The following TFDP2 variants were observed in gnomAD, a reference collection of about 807,000 sequenced individuals.
The protein encoded by TFDP2 is transcription factor Dp-2 (E2F dimerization partner 2).
In TFDP2, 17 loss-of-function variants were observed where a neutral mutation model predicts 59.3. The ratio of observed to expected loss-of-function variants is 0.29; its 90% CI spans 0.20 to 0.43. TFDP2 has a LOEUF of 0.43. Ranked by LOEUF, TFDP2 falls within the 20% of genes least tolerant of loss-of-function variation. The pLI, the probability that TFDP2 is intolerant of heterozygous loss-of-function variation, is 1.00. For missense variants in TFDP2, 391 were observed against 528.8 expected, an observed-to-expected ratio of 0.74 and a Z score of 2.56; for synonymous variants, 180 against 194.7, an observed-to-expected ratio of 0.92 and a Z score of 0.63.
intron 3 of TFDP2, among the ~76,000 whole-genome samples, chr3:142,006,666 CA>C (rs1183461221): frequency 6.6e-6 from 1 of 151,974 alleles, no homozygotes; most frequent in Non-Finnish European, 1.5e-5. Context: ...GGGGTCTTGC[CA>C]TGTTGCCCAG....
At chr3:141,954,172 GA>G (rs1329952885) in intron 11 of TFDP2, among the ~76,000 whole-genome samples, 2 of 151,562 alleles carry the variant, frequency 1.3e-5, no homozygotes, top group Non-Finnish European at 2.9e-5. Flanking sequence ...AAAAATAAAA[GA>G]AAAAAAGAAA....
At chr3:142,063,752 A>G (rs899601390) in intron 3 of TFDP2, among the ~76,000 whole-genome samples, 2 of 152,228 alleles carry the variant, frequency 1.3e-5, no homozygotes, top group African/African-American at 4.8e-5. Flanking sequence ...GAAGCCTCTC[A>G]ATAAAGCAAA....
At chr3:142,043,965 T>C in intron 3 of TFDP2, 1 of 744,504 alleles carries the variant, frequency 1.3e-6, no homozygotes, top group East Asian at 2.5e-5. Context: ...TCCGCTTACC[T>C]ATGCCACTGT....
intron 1 of TFDP2, among the ~76,000 whole-genome samples, chr3:142,140,589 T>C (rs1273193600): frequency 6.6e-6 from 1 of 152,242 alleles, no homozygotes; most frequent in African/African-American, 2.4e-5. Context: ...TATTCCTTTC[T>C]GTTTGTTAGT....
At chr3:142,073,207 G>A (rs1371107282) in intron 3 of TFDP2, among the ~76,000 whole-genome samples, 1 of 152,136 alleles carries the variant, frequency 6.6e-6, no homozygotes, top group Non-Finnish European at 1.5e-5. Flanking sequence ...GTAGCTAGGA[G>A]TACAGGTATG....
chr3:142,103,192 C>T (rs1039556858), intron 1 of TFDP2, among the ~76,000 whole-genome samples: 4 of 151,712 alleles, frequency 2.6e-5, no homozygotes, highest in South Asian at 2.1e-4. Flanking sequence ...GAGCCGAGAA[C>T]GCGCCATTGC....
intron 10 of TFDP2, among the ~76,000 whole-genome samples, chr3:141,960,045 C>T (rs965912246): frequency 7.9e-5 from 12 of 152,122 alleles, no homozygotes; most frequent in Non-Finnish European, 1.5e-4. Flanking sequence ...AAACAACATT[C>T]CTCTGACAGA....
chr3:142,012,165 A>C (rs1248242513), intron 3 of TFDP2, among the ~76,000 whole-genome samples: 4 of 151,720 alleles, frequency 2.6e-5, no homozygotes, highest in Non-Finnish European at 5.9e-5. Context: ...GGTGCCCACC[A>C]CCACACCCGG....
intron 3 of TFDP2, among the ~76,000 whole-genome samples, chr3:142,022,705 C>T (rs963942201): frequency 6.6e-6 from 1 of 152,202 alleles, no homozygotes; most frequent in African/African-American, 2.4e-5. Context: ...AAGAAGCTCA[C>T]AGTCCGAGAG....
chr3:142,043,700 GC>G, intron 3 of TFDP2: 1 of 1,104,302 alleles, frequency 9.1e-7, no homozygotes, highest in Non-Finnish European at 1.4e-6. Context: ...TCTTCACCGT[GC>G]TTGCGTGCTT....
intron 1 of TFDP2, among the ~76,000 whole-genome samples, chr3:142,135,995 G>A (rs534306828): frequency 3.2e-4 from 48 of 152,132 alleles, no homozygotes; most frequent in Non-Finnish European, 6.2e-4. Context: ...CTTCCACAAT[G>A]GTTGAACTAA....
chr3:141,990,040 T>C (rs1009245405), intron 6 of TFDP2, among the ~76,000 whole-genome samples: 5 of 148,908 alleles, frequency 3.4e-5, no homozygotes, highest in African/African-American at 1.2e-4. Context: ...ATTACAGGCA[T>C]GTGCCACCAC....
At chr3:142,099,075 A>G (rs542710000) in intron 2 of TFDP2, among the ~76,000 whole-genome samples, 20 of 152,362 alleles carry the variant, frequency 1.3e-4, no homozygotes, top group African/African-American at 4.1e-4. Flanking sequence ...TAAAATGTAC[A>G]TATTTGAATA....
chr3:141,968,463 GATAT>G lies in TFDP2; in HGVS notation c.732+1606_732+1609del, dbSNP rs1246592539. 9.4e-5 allele frequency among the ~76,000 whole-genome samples: 7 copies of G among 74,258 alleles called. 1 individual carries two copies. The highest frequency in any genetic ancestry group is 3.2e-4 in the African/African-American group (5 of 15,416). 48.7% of individuals were successfully genotyped at this position (74,258 alleles called of 152,430 possible). On this transcript the variant is annotated intron_variant, in intron 9 of 12. Coordinates refer to ENST00000489671, the MANE Select transcript of TFDP2 (RefSeq NM_001178139.2). Reference sequence around the variant, plus strand: ...ATATAACATATATATCTCATATATAGATATATATATAACATATATATATCTCATA... The same window carrying G: ...ATATAACATATATATCTCATATATAGATATATAACATATATATATCTCATA...
Position 141,948,000 on chromosome 3 carries a change from G to A in TFDP2, c.*4513C>T, listed in dbSNP as rs977362032. ...ATCTGTGATCAAGTTTCCCCAATAG[G>A]AGGAGAACCCAACATCGGCAGGGCT... On this transcript the variant is annotated 3_prime_UTR_variant, in exon 13 of 13. Transcript: ENST00000489671. The A allele has an allele frequency of 2.0e-5, 3 of 152,184 alleles. No individual in the cohort carries two copies. The highest frequency in any genetic ancestry group is 6.5e-5 in the Admixed American group (1 of 15,290). 9.4% of individuals were successfully genotyped at this position (152,184 alleles called of 1,614,324 possible). A position where few individuals can be genotyped will look rare whatever the true frequency, so the allele number is the denominator to read the frequency against.
chr3:142,067,298 C>T, intron 3 of TFDP2, among the ~76,000 whole-genome samples: 1 of 152,084 alleles, frequency 6.6e-6, no homozygotes, highest in Non-Finnish European at 1.5e-5. Context: ...GTTTAACATA[C>T]AATTAATTGC....
At chr3:142,126,385 T>C (rs1427290558) in intron 1 of TFDP2, 1 of 152,050 alleles carries the variant, frequency 6.6e-6, no homozygotes, top group Non-Finnish European at 1.5e-5. Context: ...GCGACGTTAC[T>C]TCATCAAAGT....
intron 8 of TFDP2, 53 bp from the exon 9 acceptor site, chr3:141,970,194 C>G: frequency 6.5e-7 from 1 of 1,546,022 alleles, no homozygotes; most frequent in Non-Finnish European, 8.9e-7. Flanking sequence ...TATAAAATAT[C>G]GTTCACTTTC....
chr3:142,079,074 T>C (rs1021065030), intron 3 of TFDP2, among the ~76,000 whole-genome samples: 1 of 151,996 alleles, frequency 6.6e-6, no homozygotes, highest in Non-Finnish European at 1.5e-5. Context: ...ATCAGTGAGC[T>C]TGAAGACAGG....
Sources: gnomAD v4.1 joint callset for allele counts (sites outside exome capture counted in the v4.1 genomes callset) on GRCh38, gnomAD v4.1.1 for gene constraint, MANE v1.5 for transcripts, NCBI Gene and HGNC (gene_info 2026-07-23, HGNC 2026-07-21) for gene names.